PLP1: variants seen among roughly 807,000 people sequenced by gnomAD.
PLP1 encodes the protein proteolipid protein 1, also known as myelin proteolipid protein.
A neutral mutation model predicts 18.5 loss-of-function variants in PLP1; 2 were observed. The ratio of observed to expected loss-of-function variants is 0.11; its 90% CI spans 0.04 to 0.34. The LOEUF is 0.34. Ranked by LOEUF, PLP1 falls within the 10% of genes least tolerant of loss-of-function variation. The probability of loss-of-function intolerance (pLI) is 1.00; values close to 1 mark genes in which losing one functional copy is unlikely to be tolerated. For synonymous variants in PLP1, 86 were observed against 83.2 expected, an observed-to-expected ratio of 1.03 and a Z score of -0.19; for missense variants, 105 against 207.3, an observed-to-expected ratio of 0.51 and a Z score of 3.03.
At chrX:103,785,962 C>G (rs745701605) in intron 2 of PLP1, 194 bp downstream of exon 2, 166 of 712,134 alleles carry the variant, frequency 2.3e-4, no homozygotes, top group Non-Finnish European at 3.1e-4. Flanking sequence ...GTCTGCCTGC[C>G]TGCCTGTCAG....
rs773350786 is a variant in PLP1 at position 103,788,480 on chromosome X, C to T, written c.666C>T (p.Ser222=). The T allele has an allele frequency of 1.6e-5, 19 of 1,206,936 alleles. No individual in the cohort carries two copies. In the Admixed American group the frequency reaches 3.9e-4, roughly 25 times the overall value. ...CTTTCCCTGGCAAGGTTTGTGGCTC[C>T]AACCTTCTGTCCATCTGCAAAACAG... is the stretch of plus-strand genomic sequence containing the variant. ...WNAFPGKVCG[S]NLLSICKTAE... Residue 222 remains serine (S), a synonymous_variant, in exon 5 of 7, where the codon TCC becomes TCT. Coordinates refer to ENST00000621218, the MANE Select transcript of PLP1 (RefSeq NM_000533.5).
chrX:103,781,123 A>G (rs1317285600), intron 1 of PLP1: 1 of 228,253 alleles, frequency 4.4e-6, no homozygotes, highest in Non-Finnish European at 8.5e-6. Flanking sequence ...ATTCCTTTCG[A>G]TGAAAGCCCT....
At chrX:103,783,147 C>T (rs1602379167) in intron 1 of PLP1, among the ~76,000 whole-genome samples, 1 of 111,808 alleles carries the variant, frequency 8.9e-6, no homozygotes, top group African/African-American at 3.2e-5. Flanking sequence ...GGAATGTTTT[C>T]TGAGAACAAC....
At chrX:103,787,368 T>G in intron 3 of PLP1, 1 of 169,158 alleles carries the variant, frequency 5.9e-6, no homozygotes, top group African/African-American at 3.0e-5. Context: ...CTTAGAAAGG[T>G]TTTGTATCTG....
Position 103,790,666 on chromosome X carries a change from C to G in PLP1, c.*68C>G, listed in dbSNP as rs2074537807. 4 of 793,939 alleles carry G rather than the reference C, an allele frequency of 5.0e-6. No individual in the cohort carries two copies. The highest frequency in any genetic ancestry group is 7.8e-6 in the Non-Finnish European group (4 of 515,300). The allele number at this position is 793,939 out of a possible 1,213,427, so 65.4% of individuals were successfully genotyped here. A position where few individuals can be genotyped will look rare whatever the true frequency, so the allele number is the denominator to read the frequency against. The stretch of plus-strand genomic sequence containing the variant: ...CCACACAGCCTACAATGCTGCGTCT[C>G]CCATCTTAACTCTTTGCCTTTGCCA... On this transcript the variant is annotated 3_prime_UTR_variant, in exon 7 of 7. Transcript: ENST00000621218.
In PLP1 at chrX:103,786,258, A is replaced by G. The variant is rs778681722; in HGVS notation, c.192-207A>G. The stretch of plus-strand genomic sequence containing the variant: ...GTAAGCAAGGTGTGGCGGGAGGGGC[A>G]TATGTTTCTGGTCACATACACCCTG... On this transcript the variant is annotated intron_variant, in intron 2 of 6. Coordinates refer to ENST00000621218, the MANE Select transcript of PLP1 (RefSeq NM_000533.5). 1.6e-4 allele frequency: 175 copies of G among 1,123,642 alleles called. 1 individual carries two copies. In the African/African-American group the frequency reaches 2.7e-3, roughly 18 times the overall value. 92.6% of individuals were successfully genotyped at this position (1,123,642 alleles called of 1,213,427 possible). A position where few individuals can be genotyped will look rare whatever the true frequency, so the allele number is the denominator to read the frequency against.
At chrX:103,779,302 C>A (rs974539777) in intron 1 of PLP1, among the ~76,000 whole-genome samples, 4 of 112,376 alleles carry the variant, frequency 3.6e-5, no homozygotes, top group Admixed American at 9.4e-5. Flanking sequence ...GACTGTGATG[C>A]CTCCATCCAA....
intron 6 of PLP1, among the ~76,000 whole-genome samples, chrX:103,789,727 G>C (rs2074528880): frequency 8.9e-6 from 1 of 111,891 alleles, no homozygotes; most frequent in Non-Finnish European, 1.9e-5. Context: ...AATACATTTT[G>C]ATCAGATCAG....
At chrX:103,787,993 T>C in intron 4 of PLP1, 27 bp downstream of exon 4, 3 of 1,138,280 alleles carry the variant, frequency 2.6e-6, no homozygotes, top group Non-Finnish European at 3.6e-6. Flanking sequence ...GTGCTTTGGC[T>C]CTCCTACCCA....
At position 103,786,799 on chromosome X, in the gene PLP1, C is replaced by T. The variant is rs1473688523; in HGVS notation, c.453+73C>T. ...TTGGGCGCGAGTCTGTGGCCTCGTC[C>T]CCACCCAAGGCTGGGTCCTCTCTAG... On this transcript the variant is annotated intron_variant, in intron 3 of 6. Transcript: ENST00000621218. 3.7e-6 allele frequency: 4 copies of T among 1,090,535 alleles called. No individual in the cohort carries two copies. The Admixed American group carries it at 6.5e-5, about 18-fold the overall frequency. The allele number at this position is 1,090,535 out of a possible 1,213,427, so 89.9% of individuals were successfully genotyped here. A position where few individuals can be genotyped will look rare whatever the true frequency, so the allele number is the denominator to read the frequency against.
At chrX:103,781,450 T>C (rs780244695) in intron 1 of PLP1, 18 of 207,273 alleles carry the variant, frequency 8.7e-5, no homozygotes, top group Middle Eastern at 5.7e-4. Flanking sequence ...AACCATGACA[T>C]GATCTTTTCC....
chrX:103,783,662 T>A (rs753956524), intron 1 of PLP1, among the ~76,000 whole-genome samples: 1 of 112,195 alleles, frequency 8.9e-6, no homozygotes, highest in East Asian at 2.8e-4. Flanking sequence ...CACTAGGTAT[T>A]CATGCTCTCT....
chrX:103,785,285 C>A (rs923892711), intron 1 of PLP1, among the ~76,000 whole-genome samples: 1 of 112,026 alleles, frequency 8.9e-6, no homozygotes, highest in Non-Finnish European at 1.9e-5. Context: ...CCATGTTGGC[C>A]AGGCTGGTCT....
At chrX:103,786,156 A>G in intron 2 of PLP1, 2 of 1,108,659 alleles carry the variant, frequency 1.8e-6, no homozygotes, top group Non-Finnish European at 2.4e-6. Context: ...CTTCTTGTCT[A>G]GCTCCCTACT....
chrX:103,781,428 A>G (rs1336686618), intron 1 of PLP1: 1 of 231,797 alleles, frequency 4.3e-6, no homozygotes, highest in African/African-American at 2.8e-5. Context: ...GAGTTTGTAT[A>G]CAAATGTAGC....
Position 103,791,043 on chromosome X carries a change from G to A in PLP1, c.*445G>A, listed in dbSNP as rs1210622705. 6.6e-6 allele frequency: 1 copy of A among 151,934 alleles called. No individual in the cohort carries two copies. The highest frequency in any genetic ancestry group is 1.3e-5 in the Non-Finnish European group (1 of 78,483). 12.5% of individuals were successfully genotyped at this position (151,934 alleles called of 1,213,427 possible). ...ATAGGGGCCAAATATATTCTCTTTG[G>A]TGTACAAAATGGAATTCATTCTGGT... On this transcript the variant is annotated 3_prime_UTR_variant, in exon 7 of 7. Coordinates refer to ENST00000621218, the MANE Select transcript of PLP1 (RefSeq NM_000533.5).
intron 6 of PLP1, among the ~76,000 whole-genome samples, chrX:103,789,796 T>C (rs1240696523): frequency 8.9e-6 from 1 of 111,869 alleles, no homozygotes; most frequent in African/African-American, 3.3e-5. Context: ...TTCTATATAC[T>C]ATCAATATGA....
intron 5 of PLP1, chrX:103,788,873 T>C (rs1404657744): frequency 3.5e-6 from 1 of 284,607 alleles, no homozygotes. Context: ...ATAGGTTTTA[T>C]GAAAACATTT....
intron 1 of PLP1, among the ~76,000 whole-genome samples, chrX:103,784,892 G>A (rs2074481886): frequency 8.9e-6 from 1 of 112,172 alleles, no homozygotes; most frequent in Non-Finnish European, 1.9e-5. Flanking sequence ...GGCATATAGT[G>A]AGTATTCCAT....
Sources: allele counts gnomAD v4.1 joint callset (sites outside exome capture counted in the v4.1 genomes callset), GRCh38; gene constraint gnomAD v4.1.1; transcripts MANE v1.5; gene names NCBI Gene and HGNC (gene_info 2026-07-23, HGNC 2026-07-21).